LRRC8D: variants seen among roughly 807,000 people sequenced by gnomAD.
LRRC8D encodes the protein leucine rich repeat containing 8 VRAC subunit D.
A neutral mutation model predicts 55.8 loss-of-function variants in LRRC8D; 20 were observed. That is an observed-to-expected ratio of 0.36 (90% CI 0.25 to 0.52). LRRC8D has a LOEUF of 0.52. LRRC8D is among the 20% of genes least tolerant of loss of function. The pLI, the probability that LRRC8D is intolerant of heterozygous loss-of-function variation, is 0.93. For synonymous variants in LRRC8D, 352 were observed against 377.0 expected, an observed-to-expected ratio of 0.93 and a Z score of 0.77; for missense variants, 651 against 1,030.8, an observed-to-expected ratio of 0.63 and a Z score of 5.05.
rs555498944 is a variant in LRRC8D at position 89,890,697 on chromosome 1, A to G, written c.-2-42370A>G. ...CTTCCCTTATGTTAATGCCTTACAT[A>G]CCGTAGAACAATTCTAGAAACCAGG... On this transcript the variant is annotated intron_variant, in intron 2 of 2. Coordinates refer to ENST00000337338, the MANE Select transcript of LRRC8D (RefSeq NM_001134479.2). Among the ~76,000 whole-genome samples the G allele has an allele frequency of 2.0e-5, 3 of 152,316 alleles. No homozygotes were observed. The South Asian group carries it at 6.2e-4, about 32-fold the overall frequency.
At chr1:89,829,349 A>G (rs1660834412) in intron 1 of LRRC8D, among the ~76,000 whole-genome samples, 1 of 152,194 alleles carries the variant, frequency 6.6e-6, no homozygotes, top group Non-Finnish European at 1.5e-5. Flanking sequence ...ATTCTGAGTG[A>G]AAGATAGACT....
intron 1 of LRRC8D, among the ~76,000 whole-genome samples, chr1:89,823,957 A>G (rs1462379479): frequency 2.0e-5 from 3 of 152,196 alleles, no homozygotes; most frequent in Non-Finnish European, 1.5e-5. Flanking sequence ...TTCGTGAAAA[A>G]CTTAACCACA....
At chr1:89,931,754 G>A (rs889453504) in intron 2 of LRRC8D, among the ~76,000 whole-genome samples, 1 of 151,722 alleles carries the variant, frequency 6.6e-6, no homozygotes, top group African/African-American at 2.4e-5. Context: ...GTGAGGCTCT[G>A]TCTCAAAAAT....
intron 1 of LRRC8D, among the ~76,000 whole-genome samples, chr1:89,833,357 A>G (rs1264811056): frequency 6.6e-6 from 1 of 152,236 alleles, no homozygotes; most frequent in Non-Finnish European, 1.5e-5. Context: ...CAAAGGCTGT[A>G]GTTGGAGCCT....
At chr1:89,827,292 G>A (rs1163607196) in intron 1 of LRRC8D, among the ~76,000 whole-genome samples, 1 of 148,254 alleles carries the variant, frequency 6.7e-6, no homozygotes, top group Non-Finnish European at 1.5e-5. Context: ...GGAGTTTGCA[G>A]TGAGCTGAGA....
chr1:89,899,324 G>A (rs1435687331), intron 2 of LRRC8D, among the ~76,000 whole-genome samples: 3 of 152,158 alleles, frequency 2.0e-5, no homozygotes, highest in Non-Finnish European at 2.9e-5. Context: ...CCATTCTGCC[G>A]GTGACCTGTC....
chr1:89,872,277 AC>A (rs1336066836), intron 2 of LRRC8D, among the ~76,000 whole-genome samples: 1 of 152,252 alleles, frequency 6.6e-6, no homozygotes, highest in Non-Finnish European at 1.5e-5. Flanking sequence ...TGGATGTGGA[AC>A]ATAGCGTTCT....
intron 2 of LRRC8D, among the ~76,000 whole-genome samples, chr1:89,870,653 AGAGAT>A (rs750093908): frequency 5.3e-5 from 8 of 152,142 alleles, no homozygotes; most frequent in Non-Finnish European, 1.2e-4. Flanking sequence ...TTGTCACTGA[AGAGAT>A]GAGAGACATT....
chr1:89,906,397 C>T (rs538167730), intron 2 of LRRC8D, among the ~76,000 whole-genome samples: 47 of 152,156 alleles, frequency 3.1e-4, no homozygotes, highest in Non-Finnish European at 5.7e-4. Context: ...CATCATTATC[C>T]CTGTTAGTAA....
intron 1 of LRRC8D, among the ~76,000 whole-genome samples, chr1:89,830,312 C>A (rs1660857326): frequency 2.0e-5 from 3 of 152,192 alleles, no homozygotes. Context: ...TTTTATACAT[C>A]TTGCACAAAA....
At chr1:89,848,710 T>A (rs1485770729) in intron 2 of LRRC8D, among the ~76,000 whole-genome samples, 1 of 151,876 alleles carries the variant, frequency 6.6e-6, no homozygotes, top group Non-Finnish European at 1.5e-5. Context: ...TTTTTGGGGT[T>A]TTTTTTTGAG....
intron 1 of LRRC8D, among the ~76,000 whole-genome samples, chr1:89,823,329 A>T (rs1660684743): frequency 6.6e-6 from 1 of 152,164 alleles, no homozygotes. Flanking sequence ...TTTTTTTCTC[A>T]AAATCGCTAA....
chr1:89,847,522 G>A (rs889232392), intron 2 of LRRC8D, among the ~76,000 whole-genome samples: 6 of 152,146 alleles, frequency 3.9e-5, no homozygotes, highest in Non-Finnish European at 7.3e-5. Context: ...CCAACAGAAA[G>A]GCTAAAAATG....
rs116058615 is a variant in LRRC8D at position 89,900,100 on chromosome 1, G to T, written c.-2-32967G>T. Among the ~76,000 whole-genome samples the T allele has an allele frequency of 2.2e-3, 337 of 152,316 alleles. 3 individuals are homozygous for T. The highest frequency in any genetic ancestry group is 7.6e-3 in the African/African-American group (317 of 41,558). On this transcript the variant is annotated intron_variant, in intron 2 of 2. Coordinates refer to ENST00000337338, the MANE Select transcript of LRRC8D (RefSeq NM_001134479.2). ...CAGAAATGCACAGGATACTCTGGGA[G>T]CATCAAGGGAGGATTAAAAGGACTG... is the stretch of plus-strand genomic sequence containing the variant.
At chr1:89,837,458 C>A (rs1661027241) in intron 1 of LRRC8D, among the ~76,000 whole-genome samples, 1 of 152,184 alleles carries the variant, frequency 6.6e-6, no homozygotes. Flanking sequence ...AAACTCAATC[C>A]AATTGGGTCT....
In LRRC8D at chr1:89,933,015, C is replaced by A. The variant is rs76747892; in HGVS notation, c.-2-52C>A. The A allele has an allele frequency of 6.6e-7, 1 of 1,521,130 alleles. No homozygotes were observed. The highest frequency in any genetic ancestry group is 8.9e-7 in the Non-Finnish European group (1 of 1,119,648). 94.2% of individuals were successfully genotyped at this position (1,521,130 alleles called of 1,614,324 possible). Reference sequence around the variant, plus strand: ...GCAGGCATAGGGTTTTTCTCATTTACTCTTTTCATTTGCATCTCTAGAATA... The same window carrying A: ...GCAGGCATAGGGTTTTTCTCATTTAATCTTTTCATTTGCATCTCTAGAATA... On this transcript the variant is annotated intron_variant, in intron 2 of 2. Transcript: ENST00000337338. The surrounding 1 kb of genome is among the most constrained non-coding windows in gnomAD (Gnocchi z 7.0).
At chr1:89,834,854 A>T (rs1332906128) in intron 1 of LRRC8D, among the ~76,000 whole-genome samples, 1 of 152,194 alleles carries the variant, frequency 6.6e-6, no homozygotes, top group Non-Finnish European at 1.5e-5. Flanking sequence ...TGTGTTTGGG[A>T]AATGCTGCTG....
intron 2 of LRRC8D, among the ~76,000 whole-genome samples, chr1:89,852,293 T>C (rs1249828280): frequency 1.3e-5 from 2 of 152,190 alleles, no homozygotes; most frequent in Non-Finnish European, 2.9e-5. Flanking sequence ...TAGAGGACTT[T>C]ATCAGTATGG....
In LRRC8D at chr1:89,933,431, A is replaced by G; in HGVS notation, c.363A>G (p.Ala121=). ...CCACATATCCTCGCACAGATTTCGCACTTCCAAATCAGGAGGCAAAGAAAG... is the reference window on the plus strand; with the variant it reads ...CCACATATCCTCGCACAGATTTCGCGCTTCCAAATCAGGAGGCAAAGAAAG... ...LRATYPRTDF[A]LPNQEAKKEK... is the part of the protein sequence containing the mutation. Residue 121 remains alanine (A), a synonymous_variant, in exon 3 of 3, where the codon GCA becomes GCG. Coordinates refer to ENST00000337338, the MANE Select transcript of LRRC8D (RefSeq NM_001134479.2). This position sits in a 1 kb window ranked among gnomAD's most constrained non-coding sequence, Gnocchi z 7.0. The G allele has an allele frequency of 6.2e-7, 1 of 1,614,170 alleles. No homozygotes were observed. Among genetic ancestry groups the G allele is most frequent in the South Asian group, 1.1e-5 (1 of 91,084 alleles).
Sources: gnomAD v4.1 joint callset for allele counts (sites outside exome capture counted in the v4.1 genomes callset) on GRCh38, gnomAD v4.1.1 for gene constraint, Gnocchi (gnomAD v3.1) non-coding constraint, MANE v1.5 for transcripts, NCBI Gene and HGNC (gene_info 2026-07-23, HGNC 2026-07-21) for gene names.